Variants in EYS observed in about 807,000 individuals in gnomAD.
EYS encodes protein eyes shut homolog.
In EYS, 250 loss-of-function variants were observed where a neutral mutation model predicts 282.1. That is an observed-to-expected ratio of 0.89 (90% CI 0.80 to 0.98). The LOEUF (loss-of-function observed/expected upper bound fraction) is 0.98, where lower values mean the gene tolerates loss of function less well. Ranked by LOEUF, EYS falls within the 50% of genes least tolerant of loss-of-function variation. The pLI is 0.00. For missense variants in EYS, 4,016 were observed against 3,709.0 expected (o/e 1.08, Z -2.15); for synonymous variants, 1,355 against 1,282.9 (o/e 1.06, Z -1.20).
intron 26 of EYS, among the ~76,000 whole-genome samples, chr6:64,559,857 A>G (rs1476850991): frequency 6.6e-6 from 1 of 152,088 alleles, no homozygotes; most frequent in Non-Finnish European, 1.5e-5. Flanking sequence ...TTCATCACCC[A>G]GATATTAAGC....
intron 26 of EYS, among the ~76,000 whole-genome samples, chr6:64,533,630 C>A (rs1220836826): frequency 6.6e-6 from 1 of 151,652 alleles, no homozygotes; most frequent in African/African-American, 2.4e-5. Context: ...CACTTTTAGG[C>A]AAAATAAAAG....
intron 31 of EYS, among the ~76,000 whole-genome samples, chr6:64,108,210 A>G (rs1459297906): frequency 6.6e-6 from 1 of 152,074 alleles, no homozygotes; most frequent in African/African-American, 2.4e-5. Flanking sequence ...GTCCCCTTGG[A>G]ATTTTCTCAG....
intron 12 of EYS, among the ~76,000 whole-genome samples, chr6:65,247,040 A>G (rs984037021): frequency 3.3e-5 from 5 of 152,122 alleles, no homozygotes; most frequent in African/African-American, 1.2e-4. Flanking sequence ...TAAAAAATAA[A>G]CAAATAGTTC....
chr6:63,737,237 C>T (rs1260854490), intron 41 of EYS, among the ~76,000 whole-genome samples: 3 of 152,088 alleles, frequency 2.0e-5, no homozygotes, highest in Admixed American at 6.6e-5. Context: ...TCATAGATAG[C>T]TCTTATGATT....
chr6:63,737,393 T>A (rs1197662344), intron 41 of EYS, among the ~76,000 whole-genome samples: 1 of 150,840 alleles, frequency 6.6e-6, no homozygotes, highest in Non-Finnish European at 1.5e-5. Context: ...ATTACATTTA[T>A]TGATTTGCAT....
chr6:65,544,031 A>ATGTGTGTGT (rs1768287295), intron 2 of EYS, among the ~76,000 whole-genome samples: 1 of 121,820 alleles, frequency 8.2e-6, no homozygotes. Context: ...TGTGTGTGTG[A>ATGTGTGTGT]GAGAGAGAGA....
At chr6:64,840,895 A>G (rs1765542928) in intron 19 of EYS, among the ~76,000 whole-genome samples, 1 of 152,126 alleles carries the variant, frequency 6.6e-6, no homozygotes. Flanking sequence ...TAGTCAGACT[A>G]GCCATTTCAA....
At chr6:65,378,374 T>C (rs76128189) in intron 8 of EYS, among the ~76,000 whole-genome samples, 1 of 152,134 alleles carries the variant, frequency 6.6e-6, no homozygotes, top group Non-Finnish European at 1.5e-5. Context: ...TCATTAAATG[T>C]CAGGAATCAA....
intron 36 of EYS, among the ~76,000 whole-genome samples, chr6:63,838,944 CAT>C (rs953452803): frequency 1.3e-5 from 2 of 152,074 alleles, no homozygotes; most frequent in African/African-American, 4.8e-5. Flanking sequence ...TAAATTGATA[CAT>C]GATAATTGCA....
chr6:64,335,916 C>A (rs1770834975), intron 29 of EYS, among the ~76,000 whole-genome samples: 1 of 152,020 alleles, frequency 6.6e-6, no homozygotes, highest in Non-Finnish European at 1.5e-5. Context: ...ATTTTTCAGA[C>A]AAACAAATGA....
At chr6:64,903,634 C>T (rs534668543) in intron 16 of EYS, among the ~76,000 whole-genome samples, 2 of 152,220 alleles carry the variant, frequency 1.3e-5, no homozygotes, top group South Asian at 4.1e-4. Context: ...CTTTCTTGGT[C>T]TCTATGTCTA....
At chr6:64,567,216 T>C (rs1442524172) in intron 26 of EYS, among the ~76,000 whole-genome samples, 1 of 152,148 alleles carries the variant, frequency 6.6e-6, no homozygotes, top group Non-Finnish European at 1.5e-5. Flanking sequence ...TCAACATCTC[T>C]CAATACGGAG....
chr6:64,970,191 T>C (rs1770242741), intron 14 of EYS, among the ~76,000 whole-genome samples: 1 of 151,332 alleles, frequency 6.6e-6, no homozygotes, highest in African/African-American at 2.4e-5. Context: ...AATGAATGCA[T>C]AAAGTGTATG....
chr6:63,791,303 C>T (rs983009290), intron 37 of EYS, among the ~76,000 whole-genome samples: 14 of 152,122 alleles, frequency 9.2e-5, no homozygotes, highest in African/African-American at 2.9e-4. Flanking sequence ...CGGTGGCTCA[C>T]GCCTGTAATC....
intron 2 of EYS, among the ~76,000 whole-genome samples, chr6:65,635,380 C>A (rs993527076): frequency 1.3e-4 from 20 of 152,156 alleles, no homozygotes; most frequent in African/African-American, 4.8e-4. Context: ...TAAAAGAGAT[C>A]TGATTTAACC....
chr6:64,263,818 A>G (rs1282425625), intron 30 of EYS, among the ~76,000 whole-genome samples: 1 of 152,132 alleles, frequency 6.6e-6, no homozygotes, highest in Admixed American at 6.6e-5. Context: ...ATTAGGATCT[A>G]AAAACTGTTC....
At chr6:63,740,455 G>A (rs1382169686) in intron 41 of EYS, among the ~76,000 whole-genome samples, 4 of 152,172 alleles carry the variant, frequency 2.6e-5, no homozygotes, top group African/African-American at 7.2e-5. Context: ...CCCAGTTCCA[G>A]GTGTGTCTTT....
chr6:65,442,318 T>G (rs917221944), intron 5 of EYS, among the ~76,000 whole-genome samples: 5 of 152,094 alleles, frequency 3.3e-5, no homozygotes, highest in Admixed American at 6.6e-5. Flanking sequence ...TTATTGGGTT[T>G]GAATTATATG....
chr6:65,310,410 A>G (rs1450273731), intron 11 of EYS, among the ~76,000 whole-genome samples: 4 of 151,990 alleles, frequency 2.6e-5, no homozygotes, highest in Non-Finnish European at 4.4e-5. Context: ...ACCAGCTTCC[A>G]AGATGACCCT....
Sources: allele counts gnomAD v4.1 joint callset (sites outside exome capture counted in the v4.1 genomes callset), GRCh38; gene constraint gnomAD v4.1.1; transcripts MANE v1.5; gene names NCBI Gene and HGNC (gene_info 2026-07-23, HGNC 2026-07-21).